The following NAV3 variants were observed in gnomAD, a reference collection of about 807,000 sequenced individuals.
NAV3 encodes the protein pore membrane and/or filament interacting like protein 1.
In NAV3, 87 loss-of-function variants were observed where a neutral mutation model predicts 244.7. That is an observed-to-expected ratio of 0.36 (90% CI 0.30 to 0.42). The LOEUF is 0.42. Ranked by LOEUF, NAV3 falls within the 20% of genes least tolerant of loss-of-function variation. NAV3 has a pLI of 1.00. For synonymous variants in NAV3, 1,126 were observed against 1,042.2 expected, an observed-to-expected ratio of 1.08 and a Z score of -1.55; for missense variants, 2,663 against 2,893.3, an observed-to-expected ratio of 0.92 and a Z score of 1.83.
At chr12:77,962,690 G>T (rs1892136640) in intron 3 of NAV3, among the ~76,000 whole-genome samples, 1 of 152,110 alleles carries the variant, frequency 6.6e-6, no homozygotes, top group East Asian at 1.9e-4. Flanking sequence ...TCTTCTTAGG[G>T]CAGTGTTTTA....
At chr12:77,677,530 A>G (rs1874259571) in intron 2 of NAV3, among the ~76,000 whole-genome samples, 1 of 152,246 alleles carries the variant, frequency 6.6e-6, no homozygotes, top group African/African-American at 2.4e-5. Context: ...CCTCAACAGA[A>G]TAATTTGACT....
At chr12:77,618,053 C>T (rs964545606) in intron 2 of NAV3, among the ~76,000 whole-genome samples, 8 of 152,052 alleles carry the variant, frequency 5.3e-5, no homozygotes, top group East Asian at 1.9e-4. Context: ...TTTGTCTCTC[C>T]GCTTCTTGCC....
chr12:77,967,631 C>T (rs530583080), intron 4 of NAV3, among the ~76,000 whole-genome samples: 19 of 152,208 alleles, frequency 1.2e-4, no homozygotes, highest in Admixed American at 7.8e-4. Flanking sequence ...AATATGATTA[C>T]AGGTTGTGTA....
chr12:77,962,254 A>G (rs11107563), intron 3 of NAV3, among the ~76,000 whole-genome samples: 17,880 of 151,858 alleles, frequency 0.12, 1,213 homozygotes, highest in Non-Finnish European at 0.15. Flanking sequence ...CACCCTCAAG[A>G]CTTCATTCAC....
At chr12:77,810,048 T>C (rs2135997092) in intron 2 of NAV3, among the ~76,000 whole-genome samples, 1 of 152,370 alleles carries the variant, frequency 6.6e-6, no homozygotes, top group South Asian at 2.1e-4. Flanking sequence ...CTATTCAAAC[T>C]ATTCTTTTGT....
chr12:78,066,467 G>A (rs932398154), intron 12 of NAV3, among the ~76,000 whole-genome samples: 4 of 151,972 alleles, frequency 2.6e-5, no homozygotes, highest in African/African-American at 9.7e-5. Flanking sequence ...CAATATGATG[G>A]CAAAATGAAT....
intron 23 of NAV3, among the ~76,000 whole-genome samples, chr12:78,162,792 G>A (rs890704810): frequency 6.7e-6 from 1 of 149,304 alleles, no homozygotes; most frequent in South Asian, 2.1e-4. Context: ...AACCTGGGAG[G>A]TGGAGGTTGC....
intron 12 of NAV3, among the ~76,000 whole-genome samples, chr12:78,103,754 A>T (rs917516007): frequency 1.3e-5 from 2 of 152,208 alleles, no homozygotes; most frequent in East Asian, 1.9e-4. Flanking sequence ...TGATAAAACC[A>T]TCGGACCTTG....
intron 11 of NAV3, 98 bp downstream of exon 11, chr12:78,051,245 T>A (rs2137269763): frequency 7.3e-7 from 1 of 1,374,364 alleles, no homozygotes; most frequent in Non-Finnish European, 9.9e-7. Context: ...GCCCAGAAAG[T>A]CATGAGAACA....
At chr12:77,752,270 C>T (rs1868896709) in intron 2 of NAV3, among the ~76,000 whole-genome samples, 1 of 152,028 alleles carries the variant, frequency 6.6e-6, no homozygotes, top group Admixed American at 6.6e-5. Context: ...ATAAAACATA[C>T]TCTGTTTTGA....
intron 2 of NAV3, among the ~76,000 whole-genome samples, chr12:77,645,605 A>G (rs1383153269): frequency 1.3e-5 from 2 of 151,874 alleles, no homozygotes; most frequent in African/African-American, 4.8e-5. Context: ...ACAAACAGAA[A>G]GCAGTCCTCC....
chr12:77,636,338 C>T (rs746035191), intron 2 of NAV3, among the ~76,000 whole-genome samples: 13 of 151,774 alleles, frequency 8.6e-5, no homozygotes, highest in Middle Eastern at 6.8e-3. Context: ...TGGTGGTGGG[C>T]GCCTGTAGTC....
intron 6 of NAV3, among the ~76,000 whole-genome samples, chr12:77,996,991 C>T (rs12314857): frequency 0.037 from 5,653 of 151,866 alleles, 355 homozygotes; most frequent in African/African-American, 0.13. Flanking sequence ...GCCTGTAATC[C>T]CAACACTTTG....
chr12:77,770,307 A>G (rs764881514), intron 2 of NAV3, among the ~76,000 whole-genome samples: 8 of 152,188 alleles, frequency 5.3e-5, no homozygotes, highest in Non-Finnish European at 1.0e-4. Context: ...TGAACTTGCA[A>G]TCTTAGAGGT....
intron 1 of NAV3, among the ~76,000 whole-genome samples, chr12:77,924,451 T>C (rs1377705936): frequency 2.6e-5 from 4 of 152,130 alleles, no homozygotes; most frequent in Admixed American, 6.5e-5. Flanking sequence ...GCACAAATTT[T>C]GGTGAACAGT....
intron 1 of NAV3, among the ~76,000 whole-genome samples, chr12:77,930,934 A>G (rs57192406): frequency 0.36 from 54,316 of 151,872 alleles, 10,282 homozygotes; most frequent in African/African-American, 0.48. Context: ...TGATCCTTTG[A>G]AGGTAACTTG....
chr12:78,075,953 T>G (rs577442187), intron 12 of NAV3, among the ~76,000 whole-genome samples: 2 of 152,296 alleles, frequency 1.3e-5, no homozygotes, highest in South Asian at 4.1e-4. Flanking sequence ...TTGAACAGGT[T>G]AGGACATCCT....
chr12:77,917,633 G>T (rs1442253184), intron 1 of NAV3, among the ~76,000 whole-genome samples: 1 of 151,902 alleles, frequency 6.6e-6, no homozygotes, highest in Non-Finnish European at 1.5e-5. Context: ...TCTCTTGAAA[G>T]CTATATTTTA....
chr12:77,654,662 TCCCTGAC>T (rs1565755488), intron 2 of NAV3, among the ~76,000 whole-genome samples: 1 of 152,004 alleles, frequency 6.6e-6, no homozygotes, highest in South Asian at 2.1e-4. Flanking sequence ...CTCAGGTGGG[TCCCTGAC>T]CCCTGACCCC....
Sources: gnomAD v4.1 joint callset for allele counts (sites outside exome capture counted in the v4.1 genomes callset) on GRCh38, gnomAD v4.1.1 for gene constraint, MANE v1.5 for transcripts, NCBI Gene and HGNC (gene_info 2026-07-23, HGNC 2026-07-21) for gene names.